Variants in TSPAN17 observed in about 807,000 individuals in gnomAD.
TSPAN17 encodes tetraspanin-17.
TSPAN17 carries 33 observed loss-of-function variants against 40.5 expected under a neutral mutation model. The ratio of observed to expected loss-of-function variants is 0.81; its 90% CI spans 0.62 to 1.09. The LOEUF (loss-of-function observed/expected upper bound fraction) is 1.09. Ranked by LOEUF, TSPAN17 falls within the 50% of genes least tolerant of loss-of-function variation. The pLI, the probability that TSPAN17 is intolerant of heterozygous loss-of-function variation, is 0.00. For missense variants in TSPAN17, 365 were observed against 416.8 expected, an observed-to-expected ratio of 0.88 and a Z score of 1.08; for synonymous variants, 166 against 169.4, an observed-to-expected ratio of 0.98 and a Z score of 0.15.
chr5:176,653,082 C>A, intron 4 of TSPAN17, 169 bp downstream of exon 4: 2 of 661,800 alleles, frequency 3.0e-6, no homozygotes, highest in African/African-American at 1.8e-5. Flanking sequence ...CCCTGCTGAT[C>A]CTTATGGGTC....
chr5:176,654,939 T>C lies in TSPAN17; in HGVS notation c.501T>C (p.Asn167=), dbSNP rs1761095693. 1.2e-6 allele frequency: 2 copies of C among 1,613,734 alleles called. No homozygotes were observed. Among genetic ancestry groups the C allele is most frequent in the African/African-American group, 2.7e-5 (2 of 74,942 alleles). Residue 167 remains asparagine, a synonymous_variant, in exon 5 of 9, where the codon AAT becomes AAC. Coordinates refer to ENST00000508164, the MANE Select transcript of TSPAN17 (RefSeq NM_130465.5). The surrounding 1 kb of genome is among the most constrained non-coding windows in gnomAD (Gnocchi z 4.3). ...GARGPNDWNL[N]IYFNCTDLNP... is the part of the protein sequence containing the mutation. ...GAGGCCCCAATGACTGGAACCTCAA[T>C]ATCTACTTCAACTGCACTGACTTGA...
At position 176,657,557 on chromosome 5, in the gene TSPAN17, G is replaced by A. The variant is rs113806212; in HGVS notation, c.849G>A (p.Thr283=). The change falls in exon 9 of 9, where the codon ACG becomes ACA. Residue 283 remains threonine, a synonymous_variant. Coordinates refer to ENST00000508164, the MANE Select transcript of TSPAN17 (RefSeq NM_130465.5). ...ATGACTTTGAAAACCACTGGCTTAC[G>A]CCCACCATTTCCGAGGTCCTGTCCA... ...WNDDFENHWL[T]PTISEVLSTA... The A allele has an allele frequency of 1.2e-4, 196 of 1,611,384 alleles. 1 individual carries two copies. The African/African-American group carries it at 2.1e-3, about 18-fold the overall frequency.
In TSPAN17 at chr5:176,657,626, G is replaced by A. The variant is rs766645793; in HGVS notation, c.918G>A (p.Pro306=). 9.3e-6 allele frequency: 15 copies of A among 1,612,986 alleles called. No homozygotes were observed. Among genetic ancestry groups the A allele is most frequent in the Admixed American group, 3.3e-5 (2 of 59,768 alleles). The change falls in exon 9 of 9, where the codon CCG becomes CCA. Residue 306 remains proline, a synonymous_variant. Coordinates refer to ENST00000508164, the MANE Select transcript of TSPAN17 (RefSeq NM_130465.5). ...ACTCTCTGACTGGGGCCCCTGGCCC[G>A]GCCCCACCCAGCCGACATGTTTTCT... The part of the protein sequence containing the change: ...QQNSLTGAPG[P]APPSRHVFFG...
intron 1 of TSPAN17, among the ~76,000 whole-genome samples, chr5:176,649,990 C>T (rs1581192527): frequency 6.6e-6 from 1 of 152,202 alleles, no homozygotes; most frequent in South Asian, 2.1e-4. Flanking sequence ...CTCGTCGCCC[C>T]GCTCGATATT....
intron 4 of TSPAN17, 22 bp downstream of exon 4, chr5:176,652,935 G>T: frequency 6.2e-7 from 1 of 1,612,958 alleles, no homozygotes; most frequent in Non-Finnish European, 8.5e-7. Context: ...GTCCAGCCTG[G>T]GACACCTGTA....
chr5:176,652,687 G>A, intron 3 of TSPAN17, 56 bp from the exon 4 acceptor site: 3 of 1,572,320 alleles, frequency 1.9e-6, no homozygotes, highest in South Asian at 1.1e-5. Flanking sequence ...CCAAGCCCTG[G>A]GAGGTCACCA....
At position 176,648,241 on chromosome 5, in the gene TSPAN17, G is replaced by T. The variant is rs965986504; in HGVS notation, c.87+539G>T. ...CACCCCAGTCCCGCACAAGGAGGCTGACCTGCCAGGAGGGGCAGGGAGGGA... is the reference window on the plus strand; with the variant it reads ...CACCCCAGTCCCGCACAAGGAGGCTTACCTGCCAGGAGGGGCAGGGAGGGA... On this transcript the variant is annotated intron_variant, in intron 1 of 8. Transcript: ENST00000508164. Among the ~76,000 whole-genome samples the T allele has an allele frequency of 2.6e-5, 4 of 152,338 alleles. 1 individual carries two copies. Among genetic ancestry groups the T allele is most frequent in the Middle Eastern group, 6.8e-3 (2 of 294 alleles).
intron 6 of TSPAN17, 85 bp from the exon 7 acceptor site, chr5:176,656,615 G>C (rs1761164097): frequency 2.9e-6 from 4 of 1,357,878 alleles, no homozygotes; most frequent in African/African-American, 1.4e-5. Context: ...TTAGACCCTG[G>C]GGTGGGCGTG....
rs1760929114 is a variant in TSPAN17, at chr5:176,650,556, C to T, written c.88-1060C>T. ...CAGTCCCCTGTCTGAAGGCCAAGGGCAGGCCAAGTGGGAGGAGGCAGGAGA... is the reference window on the plus strand; with the variant it reads ...CAGTCCCCTGTCTGAAGGCCAAGGGTAGGCCAAGTGGGAGGAGGCAGGAGA... On this transcript the variant is annotated intron_variant, in intron 1 of 8. Transcript: ENST00000508164. The surrounding 1 kb of genome is among the most constrained non-coding windows in gnomAD (Gnocchi z 4.0). 6.6e-6 allele frequency among the ~76,000 whole-genome samples: 1 copy of T among 152,058 alleles called. No homozygotes were observed. Among genetic ancestry groups the T allele is most frequent in the South Asian group, 2.1e-4 (1 of 4,822 alleles).
Position 176,651,939 on chromosome 5 carries a change from T to C in TSPAN17, c.285+39T>C, listed in dbSNP as rs1581194448. The C allele has an allele frequency of 3.7e-6, 6 of 1,610,964 alleles. No homozygotes were observed. The highest frequency in any genetic ancestry group is 5.1e-6 in the Non-Finnish European group (6 of 1,178,890). On this transcript the variant is annotated intron_variant, in intron 3 of 8. Coordinates refer to ENST00000508164, the MANE Select transcript of TSPAN17 (RefSeq NM_130465.5). This position sits in a 1 kb window ranked among gnomAD's most constrained non-coding sequence, Gnocchi z 4.5. ...TCAAGATCCCCTGGGAACCCCCATC[T>C]CCTCCCATCCAGTTCTTGCAATACA...
rs555919631 is a variant in TSPAN17 at position 176,656,110 on chromosome 5, C to T, written c.615C>T (p.Asp205=). 9 of 1,614,166 alleles carry T rather than the reference C, an allele frequency of 5.6e-6. No homozygotes were observed. The East Asian group carries it at 6.7e-5, about 12-fold the overall frequency. Reference sequence around the variant, plus strand: ...TCCTCAACACCCAGTGTGGCTACGACGTCCGGCTCAAACTGGTGAGAGGGG... The same window carrying T: ...TCCTCAACACCCAGTGTGGCTACGATGTCCGGCTCAAACTGGTGAGAGGGG... ...EDVLNTQCGY[D]VRLKLELEQQ... Residue 205 remains aspartate (D), a synonymous_variant, in exon 6 of 9, where the codon GAC becomes GAT. Transcript: ENST00000508164.
chr5:176,655,967 C>G, intron 5 of TSPAN17, 111 bp from the exon 6 acceptor site: 1 of 944,496 alleles, frequency 1.1e-6, no homozygotes, highest in Admixed American at 1.7e-5. Context: ...CGGCAGAATC[C>G]ACGGGCCCAT....
chr5:176,656,077 G>A lies in TSPAN17; in HGVS notation c.583-1G>A, dbSNP rs747652736. ...TCACTAACTGGCCTGTCTCCCCTCAGGAGGATGTCCTCAACACCCAGTGTG... is the reference window on the plus strand; with the variant it reads ...TCACTAACTGGCCTGTCTCCCCTCAAGAGGATGTCCTCAACACCCAGTGTG... On this transcript the variant is annotated splice_acceptor_variant, in intron 5 of 8. Coordinates refer to ENST00000508164, the MANE Select transcript of TSPAN17 (RefSeq NM_130465.5). LOFTEE classifies it high-confidence loss of function. 5 of 1,614,176 alleles carry A rather than the reference G, an allele frequency of 3.1e-6. No homozygotes were observed. The South Asian group carries it at 5.5e-5, about 18-fold the overall frequency.
In TSPAN17 at chr5:176,654,999, C is replaced by T; in HGVS notation, c.561C>T (p.Ser187=). Residue 187 remains serine (S), a synonymous_variant, in exon 5 of 9, where the codon TCC becomes TCT. Coordinates refer to ENST00000508164, the MANE Select transcript of TSPAN17 (RefSeq NM_130465.5). The surrounding 1 kb of genome is among the most constrained non-coding windows in gnomAD (Gnocchi z 4.3). Reference sequence around the variant, plus strand: ...GGGAGCGCTGCGGGGTGCCCTTCTCCTGCTGCGTCAGGGACCCTGCGGTGA... The same window carrying T: ...GGGAGCGCTGCGGGGTGCCCTTCTCTTGCTGCGTCAGGGACCCTGCGGTGA... ...PSRERCGVPF[S]CCVRDPAEDV... The T allele has an allele frequency of 6.2e-7, 1 of 1,608,542 alleles. No individual in the cohort carries two copies. The highest frequency in any genetic ancestry group is 8.5e-7 in the Non-Finnish European group (1 of 1,177,378).
chr5:176,648,034 C>T (rs747465912), intron 1 of TSPAN17, among the ~76,000 whole-genome samples: 1 of 152,218 alleles, frequency 6.6e-6, no homozygotes, highest in Non-Finnish European at 1.5e-5. Context: ...GCCCAGCCCT[C>T]CTTCCTACCC....
chr5:176,653,185 G>T, intron 4 of TSPAN17: 2 of 338,338 alleles, frequency 5.9e-6, no homozygotes, highest in East Asian at 9.6e-5. Flanking sequence ...TACGACACAC[G>T]GGAGAATGGA....
In TSPAN17 at chr5:176,657,918, C is replaced by A; in HGVS notation, c.*220C>A. 1 of 751,080 alleles carries A rather than the reference C, an allele frequency of 1.3e-6. No homozygotes were observed. Among genetic ancestry groups the A allele is most frequent in the Non-Finnish European group, 1.9e-6 (1 of 516,454 alleles). 46.5% of individuals were successfully genotyped at this position (751,080 alleles called of 1,614,324 possible). ...CCCTGCACCTCGAGGCCGCTGCGGG[C>A]CAATCTGGAGTGAAACACGGGGACC... On this transcript the variant is annotated 3_prime_UTR_variant, in exon 9 of 9. Coordinates refer to ENST00000508164, the MANE Select transcript of TSPAN17 (RefSeq NM_130465.5).
chr5:176,657,732 T>C lies in TSPAN17; in HGVS notation c.*34T>C, dbSNP rs201822178. On this transcript the variant is annotated 3_prime_UTR_variant, in exon 9 of 9. Coordinates refer to ENST00000508164, the MANE Select transcript of TSPAN17 (RefSeq NM_130465.5). ...TAAAAGTCCAGATCCACAGCTTCTCTTGAAGAATGACCACCTGGCTACGCC... is the reference window on the plus strand; with the variant it reads ...TAAAAGTCCAGATCCACAGCTTCTCCTGAAGAATGACCACCTGGCTACGCC... The C allele has an allele frequency of 8.1e-5, 124 of 1,533,716 alleles. 1 individual carries two copies. The East Asian group carries it at 2.4e-3, about 30-fold the overall frequency.
chr5:176,654,405 G>A lies in TSPAN17; in HGVS notation c.457-490G>A, dbSNP rs532074706. ...GTGTTCTGGGTGGGGGTGATGGGGT[G>A]TGGGATGATGCCAGCCGGCATGGAG... On this transcript the variant is annotated intron_variant, in intron 4 of 8. Transcript: ENST00000508164. The surrounding 1 kb of genome is among the most constrained non-coding windows in gnomAD (Gnocchi z 4.3). 17 of 173,272 alleles carry A rather than the reference G, an allele frequency of 9.8e-5. No individual in the cohort carries two copies. The highest frequency in any genetic ancestry group is 1.9e-4 in the Non-Finnish European group (15 of 80,110). 10.7% of individuals were successfully genotyped at this position (173,272 alleles called of 1,614,324 possible).
Sources: gnomAD v4.1 joint callset for allele counts (sites outside exome capture counted in the v4.1 genomes callset) on GRCh38, gnomAD v4.1.1 for gene constraint, Gnocchi (gnomAD v3.1) non-coding constraint, MANE v1.5 for transcripts, NCBI Gene and HGNC (gene_info 2026-07-23, HGNC 2026-07-21) for gene names.